The following SLC25A48 variants were observed in gnomAD, a reference collection of about 807,000 sequenced individuals.
SLC25A48 encodes the protein CTC-321K16.1.
Under a neutral mutation model 32.2 loss-of-function variants are expected in SLC25A48, and 29 were observed. That is an observed-to-expected ratio of 0.90 (90% confidence interval 0.67 to 1.23). The LOEUF is 1.23. Ranked by LOEUF, SLC25A48 falls within the 50% of genes most tolerant of loss-of-function variation. SLC25A48 has a pLI of 0.00. For missense variants in SLC25A48, 399 were observed against 422.7 expected, an observed-to-expected ratio of 0.94 and a Z score of 0.49; for synonymous variants, 164 against 172.3, an observed-to-expected ratio of 0.95 and a Z score of 0.38.
At chr5:135,791,085 TC>T (rs1757018377) in intron 3 of SLC25A48, among the ~76,000 whole-genome samples, 2 of 150,512 alleles carry the variant, frequency 1.3e-5, no homozygotes, top group South Asian at 4.2e-4. Context: ...AGATTTTACT[TC>T]TAATATCACA....
At chr5:135,879,010 C>T (rs930707493) in intron 6 of SLC25A48, among the ~76,000 whole-genome samples, 1 of 152,100 alleles carries the variant, frequency 6.6e-6, no homozygotes, top group Non-Finnish European at 1.5e-5. Flanking sequence ...ATTTATGAGC[C>T]GACACACAAC....
intron 3 of SLC25A48, among the ~76,000 whole-genome samples, chr5:135,709,368 G>A (rs1754598413): frequency 6.6e-6 from 1 of 152,236 alleles, no homozygotes; most frequent in African/African-American, 2.4e-5. Context: ...GAATTTTGTG[G>A]GAAGTTGTGG....
intron 3 of SLC25A48, among the ~76,000 whole-genome samples, chr5:135,749,931 C>T (rs1319749950): frequency 1.3e-5 from 2 of 152,114 alleles, no homozygotes; most frequent in Admixed American, 1.3e-4. Context: ...AGACTCTGTT[C>T]TTGGGACACT....
rs1440458397 is a variant in SLC25A48 at position 135,810,176 on chromosome 5, A to G, written c.-520-2347A>G. Among the ~76,000 whole-genome samples the G allele has an allele frequency of 2.6e-5, 4 of 152,170 alleles. No homozygotes were observed. In the South Asian group the frequency reaches 8.3e-4, roughly 32 times the overall value. On this transcript the variant is annotated intron_variant, in intron 3 of 10. Transcript: ENST00000646290. ...TTTGATGCCATGTTGGGGACAAAGA[A>G]AGAAAGAGAACAACTCACTTTGACC...
At chr5:135,597,160 A>G (rs539625899) in intron 1 of SLC25A48, among the ~76,000 whole-genome samples, 2 of 152,330 alleles carry the variant, frequency 1.3e-5, no homozygotes, top group African/African-American at 4.8e-5. Flanking sequence ...GAGTTAATGT[A>G]TTAATATTTA....
intron 1 of SLC25A48, among the ~76,000 whole-genome samples, chr5:135,614,982 C>T (rs960253593): frequency 1.3e-5 from 2 of 152,190 alleles, no homozygotes; most frequent in Admixed American, 1.3e-4. Flanking sequence ...TCTCTTCACC[C>T]TCTGCCATGA....
chr5:135,881,511 C>T, intron 7 of SLC25A48, among the ~76,000 whole-genome samples: 1 of 152,202 alleles, frequency 6.6e-6, no homozygotes. Flanking sequence ...GCTATTTGCC[C>T]TTTCTTATAA....
At chr5:135,867,596 C>T (rs77812351) in intron 4 of SLC25A48, among the ~76,000 whole-genome samples, 2 of 152,140 alleles carry the variant, frequency 1.3e-5, no homozygotes, top group Non-Finnish European at 2.9e-5. Flanking sequence ...GAAGAAGGCT[C>T]TTCTGTTTAT....
intron 3 of SLC25A48, among the ~76,000 whole-genome samples, chr5:135,792,265 G>A (rs1333786315): frequency 1.3e-5 from 2 of 151,718 alleles, no homozygotes; most frequent in Non-Finnish European, 2.9e-5. Flanking sequence ...TAGCATGTGT[G>A]TACAACCCCT....
At chr5:135,678,686 G>A (rs1753824908) in intron 3 of SLC25A48, among the ~76,000 whole-genome samples, 1 of 152,180 alleles carries the variant, frequency 6.6e-6, no homozygotes, top group Admixed American at 6.5e-5. Flanking sequence ...TGAGGGACGG[G>A]GGTAATTTTT....
chr5:135,853,350 G>T (rs888853094), intron 4 of SLC25A48, among the ~76,000 whole-genome samples: 1 of 152,134 alleles, frequency 6.6e-6, no homozygotes, highest in African/African-American at 2.4e-5. Context: ...TTTCTCTATA[G>T]CATGAGACGC....
chr5:135,620,672 G>A lies in SLC25A48; in HGVS notation c.-848-8565G>A, dbSNP rs576351174. ...GTTGTTGCTCCTGACTCTCACCTCAGCCCAGTGGCAGGACAGGACACAGTC... is the reference window on the plus strand; with the variant it reads ...GTTGTTGCTCCTGACTCTCACCTCAACCCAGTGGCAGGACAGGACACAGTC... On this transcript the variant is annotated intron_variant, in intron 1 of 10. Transcript: ENST00000646290. Among the ~76,000 whole-genome samples the A allele has an allele frequency of 3.9e-5, 6 of 152,184 alleles. No homozygotes were observed. The East Asian group carries it at 1.2e-3, about 29-fold the overall frequency.
intron 3 of SLC25A48, among the ~76,000 whole-genome samples, chr5:135,748,770 G>A (rs1313344859): frequency 2.0e-5 from 3 of 147,686 alleles, no homozygotes; most frequent in African/African-American, 7.6e-5. Context: ...CCAGGCTGGA[G>A]TGCAATGGCA....
chr5:135,803,425 G>A (rs530043184), intron 3 of SLC25A48, among the ~76,000 whole-genome samples: 1 of 151,666 alleles, frequency 6.6e-6, no homozygotes, highest in African/African-American at 2.4e-5. Context: ...ATCACTGTGG[G>A]TGTACACCCT....
At chr5:135,857,241 C>T (rs779932072) in intron 4 of SLC25A48, among the ~76,000 whole-genome samples, 1 of 152,206 alleles carries the variant, frequency 6.6e-6, no homozygotes, top group Non-Finnish European at 1.5e-5. Flanking sequence ...AGAATGGTGT[C>T]ATACCAGGCC....
intron 3 of SLC25A48, among the ~76,000 whole-genome samples, chr5:135,774,125 T>A (rs4597965): frequency 6.6e-6 from 1 of 151,254 alleles, no homozygotes; most frequent in Non-Finnish European, 1.5e-5. Context: ...TATCGAAGGG[T>A]GTGTACACCC....
chr5:135,637,187 A>G (rs990017393), intron 3 of SLC25A48, among the ~76,000 whole-genome samples: 2 of 152,238 alleles, frequency 1.3e-5, no homozygotes, highest in African/African-American at 4.8e-5. Context: ...TAAAATTTCT[A>G]TCACATGCTG....
chr5:135,594,674 G>C (rs1373992304), intron 1 of SLC25A48, among the ~76,000 whole-genome samples: 1 of 152,156 alleles, frequency 6.6e-6, no homozygotes, highest in Non-Finnish European at 1.5e-5. Flanking sequence ...AAGAGCAAAA[G>C]CACAGCAGTA....
At chr5:135,842,116 T>A (rs1759052173) in intron 1 of SLC25A48, among the ~76,000 whole-genome samples, 1 of 152,178 alleles carries the variant, frequency 6.6e-6, no homozygotes, top group Non-Finnish European at 1.5e-5. Context: ...CTATTTTGAT[T>A]TAATTTTGTA....
Sources: allele counts gnomAD v4.1 joint callset (sites outside exome capture counted in the v4.1 genomes callset), GRCh38; gene constraint gnomAD v4.1.1; transcripts MANE v1.5; gene names NCBI Gene and HGNC (gene_info 2026-07-23, HGNC 2026-07-21).